The following KAZN variants were observed in gnomAD, a reference collection of about 807,000 sequenced individuals.
KAZN encodes the protein kazrin, periplakin interacting protein, also known as kazrin.
In KAZN, 40 loss-of-function variants were observed where a neutral mutation model predicts 87.4. The ratio of observed to expected loss-of-function variants is 0.46; its 90% CI spans 0.36 to 0.60. The LOEUF (loss-of-function observed/expected upper bound fraction) is 0.60. Ranked by LOEUF, KAZN falls within the 20% of genes least tolerant of loss-of-function variation. The pLI is 0.00. For synonymous variants in KAZN, 466 were observed against 458.3 expected (o/e 1.02, Z -0.22); for missense variants, 898 against 1,073.9 (o/e 0.84, Z 2.29).
At position 14,647,003 on chromosome 1, in the gene KAZN, A is replaced by G. The variant is rs116051385; in HGVS notation, c.226+47780A>G. On this transcript the variant is annotated intron_variant, in intron 1 of 14. Coordinates refer to ENST00000376030, the MANE Select transcript of KAZN (RefSeq NM_201628.3). ...TACCTTCTCCATATCCTCTCTCCAC[A>G]CCCATGTTACCCCATACTCATGACT... Among the ~76,000 whole-genome samples the G allele has an allele frequency of 4.2e-3, 635 of 152,170 alleles. 5 individuals are homozygous for G. Among genetic ancestry groups the G allele is most frequent in the African/African-American group, 0.014 (574 of 41,494 alleles).
chr1:14,471,831 G>A (rs1668471361), intron 2 of KAZN, among the ~76,000 whole-genome samples: 1 of 152,194 alleles, frequency 6.6e-6, no homozygotes, highest in Admixed American at 6.5e-5. Flanking sequence ...TTCTTTGGCT[G>A]TGAAACTGCT....
chr1:13,921,087 A>G (rs1483618992), intron 1 of KAZN, among the ~76,000 whole-genome samples: 3 of 152,174 alleles, frequency 2.0e-5, no homozygotes, highest in Admixed American at 1.3e-4. Flanking sequence ...TTGTTGTCCA[A>G]GGATGACTGA....
chr1:14,545,796 G>A (rs1315460151), intron 2 of KAZN, among the ~76,000 whole-genome samples: 1 of 152,196 alleles, frequency 6.6e-6, no homozygotes, highest in Non-Finnish European at 1.5e-5. Flanking sequence ...GTCAGAGGCA[G>A]GGAAAGAGAA....
chr1:14,114,898 A>G (rs975136874), intron 1 of KAZN, among the ~76,000 whole-genome samples: 5 of 152,178 alleles, frequency 3.3e-5, no homozygotes, highest in African/African-American at 1.2e-4. Flanking sequence ...TAGAGGGTAC[A>G]TTTTCCCAGA....
intron 1 of KAZN, among the ~76,000 whole-genome samples, chr1:14,054,789 C>A (rs909029943): frequency 9.9e-5 from 15 of 152,118 alleles, no homozygotes; most frequent in Admixed American, 9.2e-4. Flanking sequence ...GTAGGTCATG[C>A]GTGAGAGTTA....
intron 1 of KAZN, among the ~76,000 whole-genome samples, chr1:14,863,831 T>C (rs1364871119): frequency 6.6e-6 from 1 of 152,066 alleles, no homozygotes; most frequent in Non-Finnish European, 1.5e-5. Flanking sequence ...CAGAGGCATT[T>C]CAGGCAGATG....
At chr1:14,068,118 G>A (rs1192466017) in intron 1 of KAZN, among the ~76,000 whole-genome samples, 1 of 137,754 alleles carries the variant, frequency 7.3e-6, no homozygotes, top group Admixed American at 7.1e-5. Flanking sequence ...GGGTGTTGAT[G>A]TTCCCCCCCC....
At chr1:14,418,698 G>A (rs1665050651) in intron 2 of KAZN, among the ~76,000 whole-genome samples, 1 of 152,110 alleles carries the variant, frequency 6.6e-6, no homozygotes, top group South Asian at 2.1e-4. Context: ...TACTCCCAAA[G>A]CAACTTTTTG....
At chr1:14,022,175 G>A (rs1437701869) in intron 1 of KAZN, among the ~76,000 whole-genome samples, 2 of 152,016 alleles carry the variant, frequency 1.3e-5, no homozygotes, top group East Asian at 3.9e-4. Flanking sequence ...TGTGTATGTT[G>A]TGTGCATGCA....
At chr1:14,013,765 G>A (rs1351135957) in intron 1 of KAZN, among the ~76,000 whole-genome samples, 7 of 152,164 alleles carry the variant, frequency 4.6e-5, no homozygotes, top group Admixed American at 2.6e-4. Context: ...GCTTGTGTCC[G>A]GGGATGGCTG....
At position 14,692,453 on chromosome 1, in the gene KAZN, T is replaced by C. The variant is rs1641373335; in HGVS notation, c.226+93230T>C. The C allele has an allele frequency of 1.3e-5, 3 of 233,594 alleles. No homozygotes were observed. In the East Asian group the frequency reaches 2.4e-4, roughly 19 times the overall value. The allele number at this position is 233,594 out of a possible 1,614,324, so 14.5% of individuals were successfully genotyped here. A position where few individuals can be genotyped will look rare whatever the true frequency, so the allele number is the denominator to read the frequency against. ...CAAGCAATTCAACTTTTTCTTGTAA[T>C]ATCATGACTTTTCCCTTGCTTCTTT... On this transcript the variant is annotated intron_variant, in intron 1 of 14. Coordinates refer to ENST00000376030, the MANE Select transcript of KAZN (RefSeq NM_201628.3).
chr1:14,837,656 G>T (rs1572614916), intron 1 of KAZN, among the ~76,000 whole-genome samples: 1 of 150,190 alleles, frequency 6.7e-6, no homozygotes, highest in African/African-American at 2.5e-5. Context: ...AGGCTCAAGA[G>T]ATCCTCCCAC....
chr1:14,652,121 A>G (rs1638419415), intron 1 of KAZN, among the ~76,000 whole-genome samples: 1 of 152,248 alleles, frequency 6.6e-6, no homozygotes, highest in Non-Finnish European at 1.5e-5. Context: ...AAACAAAACA[A>G]GCTAAGCAGC....
intron 2 of KAZN, among the ~76,000 whole-genome samples, chr1:14,256,332 A>T (rs899105734): frequency 1.3e-5 from 2 of 152,088 alleles, no homozygotes; most frequent in African/African-American, 4.8e-5. Context: ...CAGAAATTAG[A>T]CACCCCATAT....
intron 2 of KAZN, among the ~76,000 whole-genome samples, chr1:14,964,139 A>G (rs2101796954): frequency 6.6e-6 from 1 of 152,254 alleles, no homozygotes; most frequent in Admixed American, 6.5e-5. Flanking sequence ...TCCTTTGGGT[A>G]TGTGCCCAGT....
At chr1:14,734,396 C>G (rs1187953979) in intron 1 of KAZN, among the ~76,000 whole-genome samples, 1 of 151,248 alleles carries the variant, frequency 6.6e-6, no homozygotes, top group South Asian at 2.1e-4. Context: ...CTCCGCTTCC[C>G]GGGTTCAAGT....
chr1:14,865,928 G>C (rs1386833672), intron 1 of KAZN, among the ~76,000 whole-genome samples: 1 of 152,106 alleles, frequency 6.6e-6, no homozygotes, highest in Non-Finnish European at 1.5e-5. Context: ...GAAGCTGGGA[G>C]GAGGCAGGAA....
chr1:14,376,405 G>A (rs1194130813), intron 2 of KAZN, among the ~76,000 whole-genome samples: 5 of 152,054 alleles, frequency 3.3e-5, no homozygotes, highest in South Asian at 4.2e-4. Flanking sequence ...GCCTTATCTC[G>A]GGAGTAGATT....
At chr1:14,199,934 C>T (rs571385257) in intron 2 of KAZN, among the ~76,000 whole-genome samples, 1 of 152,020 alleles carries the variant, frequency 6.6e-6, no homozygotes, top group Admixed American at 6.6e-5. Context: ...TTCTGCTTGG[C>T]CTTACTCTTA....
Sources: allele counts gnomAD v4.1 joint callset (sites outside exome capture counted in the v4.1 genomes callset), GRCh38; gene constraint gnomAD v4.1.1; transcripts MANE v1.5; gene names NCBI Gene and HGNC (gene_info 2026-07-23, HGNC 2026-07-21).